ATXN7L1: variants seen among roughly 807,000 people sequenced by gnomAD.
ATXN7L1 encodes the protein ataxin 7 like 1, also known as ataxin-7-like protein 1.
A neutral mutation model predicts 70.8 loss-of-function variants in ATXN7L1; 15 were observed. The ratio of observed to expected loss-of-function variants is 0.21; its 90% CI spans 0.14 to 0.33. ATXN7L1 has a LOEUF of 0.33. Ranked by LOEUF, ATXN7L1 falls within the 10% of genes least tolerant of loss-of-function variation. The pLI is 1.00. For missense variants in ATXN7L1, 975 were observed against 1,097.1 expected, an observed-to-expected ratio of 0.89 and a Z score of 1.57; for synonymous variants, 440 against 445.1, an observed-to-expected ratio of 0.99 and a Z score of 0.14.
chr7:105,787,145 G>A (rs1473718194), intron 3 of ATXN7L1, among the ~76,000 whole-genome samples: 1 of 152,156 alleles, frequency 6.6e-6, no homozygotes, highest in Non-Finnish European at 1.5e-5. Context: ...CAGAGCACTA[G>A]GCAAGAAGGT....
intron 3 of ATXN7L1, among the ~76,000 whole-genome samples, chr7:105,777,208 C>T (rs1007604123): frequency 6.6e-6 from 1 of 152,150 alleles, no homozygotes; most frequent in Non-Finnish European, 1.5e-5. Flanking sequence ...AGCCAGCTGA[C>T]GATTGAGTTG....
At chr7:105,623,633 C>A (rs1268127056) in intron 8 of ATXN7L1, among the ~76,000 whole-genome samples, 1 of 152,150 alleles carries the variant, frequency 6.6e-6, no homozygotes, top group Non-Finnish European at 1.5e-5. Context: ...GGGAGAATAC[C>A]AACAAGGGCT....
At chr7:105,719,703 T>G (rs1794966191) in intron 3 of ATXN7L1, among the ~76,000 whole-genome samples, 1 of 152,154 alleles carries the variant, frequency 6.6e-6, no homozygotes, top group Admixed American at 6.5e-5. Context: ...ATAGGGGGTG[T>G]ACCTGGAGCC....
At chr7:105,651,967 T>C (rs1377819832) in intron 4 of ATXN7L1, among the ~76,000 whole-genome samples, 1 of 152,160 alleles carries the variant, frequency 6.6e-6, no homozygotes, top group Non-Finnish European at 1.5e-5. Flanking sequence ...TGTTAGTCTC[T>C]CTTGTACTTC....
At chr7:105,735,611 A>C (rs1006057755) in intron 3 of ATXN7L1, among the ~76,000 whole-genome samples, 2 of 152,220 alleles carry the variant, frequency 1.3e-5, no homozygotes, top group Non-Finnish European at 2.9e-5. Context: ...CCTACTACCC[A>C]GTTTCAACAA....
chr7:105,774,253 A>T (rs1393516457), intron 3 of ATXN7L1, among the ~76,000 whole-genome samples: 1 of 152,030 alleles, frequency 6.6e-6, no homozygotes, highest in African/African-American at 2.4e-5. Flanking sequence ...GCACCGGGAA[A>T]CTTGATTCAT....
Position 105,769,159 on chromosome 7 carries a change from A to T in ATXN7L1, c.355+19445T>A, listed in dbSNP as rs575379642. On this transcript the variant is annotated intron_variant, in intron 3 of 11. Coordinates refer to ENST00000419735, the MANE Select transcript of ATXN7L1 (RefSeq NM_020725.2). ...ATGAAAATGAAAATGAGTGAGCTACAAGAGTGCTTTGGAAACAGCAAGATA... is the reference window on the plus strand; with the variant it reads ...ATGAAAATGAAAATGAGTGAGCTACTAGAGTGCTTTGGAAACAGCAAGATA... Among the ~76,000 whole-genome samples the T allele has an allele frequency of 6.6e-5, 10 of 152,380 alleles. No homozygotes were observed. In the South Asian group the frequency reaches 2.1e-3, roughly 32 times the overall value.
chr7:105,646,791 T>C (rs1339327453), intron 4 of ATXN7L1, among the ~76,000 whole-genome samples: 1 of 143,562 alleles, frequency 7.0e-6, no homozygotes, highest in South Asian at 2.2e-4. Context: ...AAAAAAATTA[T>C]AAATAAGCTG....
intron 3 of ATXN7L1, among the ~76,000 whole-genome samples, chr7:105,724,895 T>C (rs149285576): frequency 0.016 from 2,372 of 152,072 alleles, 62 homozygotes; most frequent in African/African-American, 0.052. Flanking sequence ...GATGCAATCA[T>C]AGCTCACTGC....
chr7:105,760,444 T>A, intron 3 of ATXN7L1: 2 of 985,698 alleles, frequency 2.0e-6, no homozygotes, highest in South Asian at 9.4e-5. Flanking sequence ...GAATTCAGGT[T>A]TTCATCCCAT....
At chr7:105,676,662 A>G (rs1205802779) in intron 3 of ATXN7L1, among the ~76,000 whole-genome samples, 1 of 152,146 alleles carries the variant, frequency 6.6e-6, no homozygotes, top group Non-Finnish European at 1.5e-5. Context: ...CCACATGGGA[A>G]AACTCCGTCT....
intron 3 of ATXN7L1, among the ~76,000 whole-genome samples, chr7:105,735,201 AATG>A (rs1411123982): frequency 6.6e-6 from 1 of 152,176 alleles, no homozygotes; most frequent in East Asian, 1.9e-4. Context: ...CTACAATAAT[AATG>A]ATGATATCTG....
intron 2 of ATXN7L1, among the ~76,000 whole-genome samples, chr7:105,829,982 C>T (rs1034045409): frequency 2.6e-5 from 4 of 152,136 alleles, no homozygotes; most frequent in Non-Finnish European, 5.9e-5. Context: ...TCTAAGTAGG[C>T]AGTAATAAGA....
intron 2 of ATXN7L1, among the ~76,000 whole-genome samples, chr7:105,812,354 C>T (rs1009281891): frequency 2.0e-5 from 3 of 152,146 alleles, no homozygotes; most frequent in African/African-American, 7.2e-5. Flanking sequence ...ATCTTTCCTA[C>T]CTGTTCAGTT....
chr7:105,762,522 C>T (rs1800682841), intron 3 of ATXN7L1, among the ~76,000 whole-genome samples: 1 of 152,184 alleles, frequency 6.6e-6, no homozygotes, highest in Non-Finnish European at 1.5e-5. Flanking sequence ...GGATGGTAGG[C>T]TCCAAGCCCA....
intron 2 of ATXN7L1, among the ~76,000 whole-genome samples, chr7:105,800,674 G>A (rs774872258): frequency 4.6e-5 from 7 of 152,188 alleles, no homozygotes; most frequent in Non-Finnish European, 8.8e-5. Context: ...CAGCTGTGGG[G>A]TAGTGGAATG....
At chr7:105,615,934 AGCCTGGGGT>A (rs1057507551) in intron 9 of ATXN7L1, among the ~76,000 whole-genome samples, 1 of 152,138 alleles carries the variant, frequency 6.6e-6, no homozygotes, top group African/African-American at 2.4e-5. Context: ...TCCATCCTAC[AGCCTGGGGT>A]GCTGCTGCTG....
intron 3 of ATXN7L1, among the ~76,000 whole-genome samples, chr7:105,733,506 C>CATCCATCCAACCATCCATCCATT (rs1264531675): frequency 9.7e-6 from 1 of 103,358 alleles, no homozygotes; most frequent in Non-Finnish European, 1.9e-5. Flanking sequence ...ATCCATCCTT[C>CATCCATCCAACCATCCATCCATT]CATCCATCCA....
At chr7:105,868,413 G>T (rs184164688) in intron 2 of ATXN7L1, among the ~76,000 whole-genome samples, 7 of 152,298 alleles carry the variant, frequency 4.6e-5, no homozygotes, top group African/African-American at 1.7e-4. Flanking sequence ...CATAAGGGAG[G>T]CTGAGAAACA....
Sources: gnomAD v4.1 joint callset for allele counts (sites outside exome capture counted in the v4.1 genomes callset) on GRCh38, gnomAD v4.1.1 for gene constraint, MANE v1.5 for transcripts, NCBI Gene and HGNC (gene_info 2026-07-23, HGNC 2026-07-21) for gene names.